SNX29: variants seen among roughly 807,000 people sequenced by gnomAD.
The protein encoded by SNX29 is sorting nexin-29.
A neutral mutation model predicts 102.1 loss-of-function variants in SNX29; 78 were observed. That is an observed-to-expected ratio of 0.76 (90% confidence interval 0.64 to 0.92). The LOEUF (loss-of-function observed/expected upper bound fraction) is 0.92. SNX29 is among the 40% of genes least tolerant of loss of function. The pLI is 0.00. For synonymous variants in SNX29, 580 were observed against 414.5 expected, an observed-to-expected ratio of 1.40 and a Z score of -4.85; for missense variants, 1,280 against 1,061.7, an observed-to-expected ratio of 1.21 and a Z score of -2.86.
At chr16:11,987,041 T>C (rs757887493) in intron 1 of SNX29, among the ~76,000 whole-genome samples, 1 of 152,128 alleles carries the variant, frequency 6.6e-6, no homozygotes, top group Non-Finnish European at 1.5e-5. Flanking sequence ...AACTCCCTAT[T>C]GAAGAAGTTG....
chr16:12,395,273 T>G (rs2083678771), intron 16 of SNX29, among the ~76,000 whole-genome samples: 1 of 152,192 alleles, frequency 6.6e-6, no homozygotes, highest in Admixed American at 6.5e-5. Context: ...GGTCAGAGTT[T>G]CATGACTAGG....
At chr16:12,081,495 C>T (rs2051874887) in intron 11 of SNX29, 1 of 151,996 alleles carries the variant, frequency 6.6e-6, no homozygotes, top group Admixed American at 6.6e-5. Context: ...GACTGCTTGA[C>T]TTCAGTTGAG....
At chr16:12,527,454 A>G in intron 20 of SNX29, 2 of 428,966 alleles carry the variant, frequency 4.7e-6, no homozygotes, top group Non-Finnish European at 8.8e-6. Context: ...TGGTTCTTTC[A>G]AATGTTGATT....
chr16:12,197,211 C>G (rs1285440240), intron 13 of SNX29, among the ~76,000 whole-genome samples: 1 of 152,136 alleles, frequency 6.6e-6, no homozygotes, highest in African/African-American at 2.4e-5. Flanking sequence ...GACTTGAATT[C>G]ACATGTGAAG....
intron 20 of SNX29, among the ~76,000 whole-genome samples, chr16:12,558,120 C>G (rs769212001): frequency 6.6e-6 from 1 of 152,196 alleles, no homozygotes; most frequent in Non-Finnish European, 1.5e-5. Context: ...ATTAGAAGAC[C>G]AGCAGCATTC....
chr16:12,059,960 T>A (rs959585836), intron 8 of SNX29, among the ~76,000 whole-genome samples: 2 of 152,158 alleles, frequency 1.3e-5, no homozygotes, highest in African/African-American at 4.8e-5. Context: ...TCCCTTCCCT[T>A]TGTCTGCCCC....
chr16:12,331,370 A>G (rs1458626706), intron 15 of SNX29, among the ~76,000 whole-genome samples: 1 of 152,310 alleles, frequency 6.6e-6, no homozygotes, highest in Admixed American at 6.5e-5. Flanking sequence ...ACTTTGATTT[A>G]ATTTTTATTC....
chr16:12,211,801 G>A (rs1370618718), intron 14 of SNX29, among the ~76,000 whole-genome samples: 4 of 152,264 alleles, frequency 2.6e-5, no homozygotes, highest in African/African-American at 9.6e-5. Flanking sequence ...AAAGCCTTCA[G>A]CTGATTGGAT....
chr16:12,537,375 G>C (rs757303712), intron 20 of SNX29, among the ~76,000 whole-genome samples: 7 of 152,222 alleles, frequency 4.6e-5, no homozygotes, highest in Admixed American at 6.5e-5. Context: ...GTGCATGACA[G>C]AAAGAGCAAG....
chr16:12,361,464 A>C (rs1279241166), intron 16 of SNX29, among the ~76,000 whole-genome samples: 2 of 152,220 alleles, frequency 1.3e-5, no homozygotes, highest in African/African-American at 4.8e-5. Flanking sequence ...TTAATAGCTA[A>C]TATTTATTAA....
chr16:12,448,894 G>A (rs1258233751), intron 18 of SNX29, among the ~76,000 whole-genome samples: 2 of 152,092 alleles, frequency 1.3e-5, no homozygotes, highest in Non-Finnish European at 2.9e-5. Flanking sequence ...ATTTGCTTTG[G>A]TTTTCGCATT....
At chr16:12,289,392 G>A (rs2079717247) in intron 15 of SNX29, among the ~76,000 whole-genome samples, 1 of 152,208 alleles carries the variant, frequency 6.6e-6, no homozygotes, top group African/African-American at 2.4e-5. Flanking sequence ...GTGCCTCTGT[G>A]CAGGCATGCT....
At chr16:12,247,619 C>T (rs766986973) in intron 14 of SNX29, among the ~76,000 whole-genome samples, 2 of 152,148 alleles carry the variant, frequency 1.3e-5, no homozygotes, top group African/African-American at 2.4e-5. Context: ...ACCAAGTGCT[C>T]AGCAGGGCCT....
intron 13 of SNX29, among the ~76,000 whole-genome samples, chr16:12,164,348 T>G (rs910031434): frequency 6.6e-6 from 1 of 152,210 alleles, no homozygotes; most frequent in African/African-American, 2.4e-5. Context: ...GTACTAGTTA[T>G]GCTGGTTTAA....
intron 1 of SNX29, among the ~76,000 whole-genome samples, chr16:11,988,675 C>T (rs372001529): frequency 7.9e-5 from 12 of 152,160 alleles, no homozygotes; most frequent in African/African-American, 2.4e-4. Flanking sequence ...GCCAAGACTA[C>T]GGGTGTGAGC....
intron 15 of SNX29, among the ~76,000 whole-genome samples, chr16:12,284,971 C>G (rs1020806481): frequency 2.0e-5 from 3 of 152,156 alleles, no homozygotes; most frequent in Admixed American, 1.3e-4. Context: ...GGTGATCCAC[C>G]CACCTTGGCC....
intron 14 of SNX29, among the ~76,000 whole-genome samples, chr16:12,253,265 T>C (rs1296811015): frequency 1.3e-5 from 2 of 152,194 alleles, no homozygotes; most frequent in Non-Finnish European, 1.5e-5. Context: ...CTTTCAATAC[T>C]GTGTTTATTG....
At position 12,396,289 on chromosome 16, in the gene SNX29, C is replaced by T. The variant is rs141232830; in HGVS notation, c.1900-2157C>T. Among the ~76,000 whole-genome samples the T allele has an allele frequency of 1.1e-4, 17 of 152,278 alleles. No homozygotes were observed. The East Asian group carries it at 3.3e-3, about 29-fold the overall frequency. ...TTAAAAAATCTGCCTTGTCTTTCAC[C>T]TTGGTCCTTTTGGTTGCCTTCTGCC... On this transcript the variant is annotated intron_variant, in intron 16 of 20. Coordinates refer to ENST00000566228, the MANE Select transcript of SNX29 (RefSeq NM_032167.5).
chr16:12,104,470 C>G (rs780893399), intron 11 of SNX29, among the ~76,000 whole-genome samples: 3 of 152,084 alleles, frequency 2.0e-5, no homozygotes, highest in Non-Finnish European at 4.4e-5. Flanking sequence ...GCAGGAGAAT[C>G]TCTTGAACCC....
Sources: gnomAD v4.1 joint callset for allele counts (sites outside exome capture counted in the v4.1 genomes callset) on GRCh38, gnomAD v4.1.1 for gene constraint, MANE v1.5 for transcripts, NCBI Gene and HGNC (gene_info 2026-07-23, HGNC 2026-07-21) for gene names.